The following FBXL17 variants were observed in gnomAD, a reference collection of about 807,000 sequenced individuals.
FBXL17 encodes F-box/LRR-repeat protein 17.
FBXL17 carries 22 observed loss-of-function variants against 66.2 expected under a neutral mutation model. The observed-to-expected ratio is 0.33, with a 90% CI of 0.24 to 0.47. The LOEUF (loss-of-function observed/expected upper bound fraction) is 0.47. Ranked by LOEUF, FBXL17 falls within the 20% of genes least tolerant of loss-of-function variation. FBXL17 has a pLI of 1.00. For synonymous variants in FBXL17, 474 were observed against 400.5 expected, an observed-to-expected ratio of 1.18 and a Z score of -2.19; for missense variants, 878 against 948.2, an observed-to-expected ratio of 0.93 and a Z score of 0.97.
intron 4 of FBXL17, chr5:108,298,078 T>C (rs1018776527): frequency 5.1e-6 from 5 of 976,744 alleles, no homozygotes; most frequent in Non-Finnish European, 6.1e-6. Flanking sequence ...TTGCCACAAA[T>C]ACCCATGTAG....
chr5:108,184,287 G>T (rs980544761), intron 6 of FBXL17, among the ~76,000 whole-genome samples: 1 of 151,988 alleles, frequency 6.6e-6, no homozygotes, highest in Non-Finnish European at 1.5e-5. Context: ...AGTCGGATGT[G>T]GTGGTACACA....
rs749397664 is a variant in FBXL17, at chr5:108,348,524, A to C, written c.1381T>G (p.Ser461Ala). The change falls in exon 4 of 9, where the codon TCA becomes GCA. Residue 461 changes from serine to alanine, a missense_variant. By Grantham distance (99) the Ser-to-Ala change is moderately conservative (BLOSUM62 1). This residue lies in a region of FBXL17 where 236 missense variants were observed against 389.1 expected (regional missense o/e 0.61). Coordinates refer to ENST00000542267, the MANE Select transcript of FBXL17 (RefSeq NM_001163315.3). Reference protein sequence around the residue: ...LTDEGLKQLGSKCRELKDIHF... With the variant: ...LTDEGLKQLGAKCRELKDIHF... ...ATATCTTTGAGTTCTCTGCATTTTG[A>C]GCCCAGCTGTAAACAAACAGATTTA... 1 of 1,612,268 alleles carries C rather than the reference A, an allele frequency of 6.2e-7. No individual in the cohort carries two copies. Among genetic ancestry groups the C allele is most frequent in the Non-Finnish European group, 8.5e-7 (1 of 1,178,764 alleles).
chr5:108,282,845 G>C (rs1458850574), intron 4 of FBXL17, among the ~76,000 whole-genome samples: 1 of 150,996 alleles, frequency 6.6e-6, no homozygotes, highest in Non-Finnish European at 1.5e-5. Flanking sequence ...AACCAGTAGT[G>C]CTTCTATATA....
intron 4 of FBXL17, among the ~76,000 whole-genome samples, chr5:108,276,464 G>C (rs1757486567): frequency 6.6e-6 from 1 of 152,042 alleles, no homozygotes; most frequent in Non-Finnish European, 1.5e-5. Flanking sequence ...AGTCCTTTTA[G>C]CAATGACAAC....
At chr5:108,154,614 TATACACACAC>T (rs1312290731) in intron 6 of FBXL17, among the ~76,000 whole-genome samples, 3,295 of 98,248 alleles carry the variant, frequency 0.034, 236 homozygotes, top group African/African-American at 0.12. Context: ...AAAATATATA[TATACACACAC>T]ACACACACAC....
chr5:108,188,201 T>C (rs1255608749), intron 5 of FBXL17, among the ~76,000 whole-genome samples: 2 of 152,144 alleles, frequency 1.3e-5, no homozygotes, highest in Admixed American at 6.5e-5. Flanking sequence ...GGAGAAGCTA[T>C]ACAGAGAGAG....
At chr5:108,134,958 T>C (rs904990636) in intron 6 of FBXL17, among the ~76,000 whole-genome samples, 3 of 152,174 alleles carry the variant, frequency 2.0e-5, no homozygotes, top group Non-Finnish European at 4.4e-5. Context: ...TGACATCTTC[T>C]AAATATATTT....
intron 7 of FBXL17, among the ~76,000 whole-genome samples, chr5:107,922,527 A>AT (rs1750359273): frequency 6.6e-6 from 1 of 152,176 alleles, no homozygotes; most frequent in Admixed American, 6.5e-5. Flanking sequence ...TAAGAATGAG[A>AT]TATCTTCAGC....
At chr5:107,932,453 A>G (rs1355466535) in intron 7 of FBXL17, among the ~76,000 whole-genome samples, 1 of 152,204 alleles carries the variant, frequency 6.6e-6, no homozygotes, top group African/African-American at 2.4e-5. Flanking sequence ...ACTGTAAAGA[A>G]GAGGAAAGTG....
intron 1 of FBXL17, among the ~76,000 whole-genome samples, chr5:108,378,199 A>G (rs1204178950): frequency 6.6e-6 from 1 of 151,606 alleles, no homozygotes; most frequent in Non-Finnish European, 1.5e-5. Flanking sequence ...TGCAACATAT[A>G]GTTTAGTTTC....
intron 4 of FBXL17, among the ~76,000 whole-genome samples, chr5:108,291,196 A>G (rs926299476): frequency 6.6e-6 from 1 of 152,176 alleles, no homozygotes; most frequent in East Asian, 1.9e-4. Context: ...AATTATTGTC[A>G]CCCACCTTAT....
intron 4 of FBXL17, among the ~76,000 whole-genome samples, chr5:108,329,671 A>G (rs933439410): frequency 7.2e-5 from 11 of 152,194 alleles, no homozygotes; most frequent in Admixed American, 2.0e-4. Flanking sequence ...TGTAATGAGT[A>G]CACCACATTA....
At chr5:108,100,355 T>C (rs180755218) in intron 6 of FBXL17, among the ~76,000 whole-genome samples, 3 of 152,164 alleles carry the variant, frequency 2.0e-5, no homozygotes, top group Admixed American at 1.3e-4. Context: ...TATAAGAATG[T>C]GCATGTATGC....
At chr5:108,258,398 A>G (rs1159793867) in intron 4 of FBXL17, among the ~76,000 whole-genome samples, 1 of 152,208 alleles carries the variant, frequency 6.6e-6, no homozygotes, top group East Asian at 1.9e-4. Flanking sequence ...GCAGACGAAT[A>G]TGAAACATGA....
intron 6 of FBXL17, among the ~76,000 whole-genome samples, chr5:108,183,083 C>T (rs1283991727): frequency 6.9e-6 from 1 of 144,656 alleles, no homozygotes; most frequent in African/African-American, 2.6e-5. Flanking sequence ...TCTTGTCGCC[C>T]AGGCTGGAGT....
chr5:108,021,572 T>C (rs1374719440), intron 6 of FBXL17, among the ~76,000 whole-genome samples: 3 of 151,728 alleles, frequency 2.0e-5, no homozygotes, highest in Non-Finnish European at 3.0e-5. Flanking sequence ...TTGTAAGTAA[T>C]TTGTTGTAAA....
At chr5:108,256,023 A>C (rs1438906222) in intron 4 of FBXL17, among the ~76,000 whole-genome samples, 1 of 152,172 alleles carries the variant, frequency 6.6e-6, no homozygotes, top group Non-Finnish European at 1.5e-5. Flanking sequence ...AGATCAGTGG[A>C]AATATGAGCT....
At chr5:108,311,153 C>G (rs1052500195) in intron 4 of FBXL17, among the ~76,000 whole-genome samples, 1 of 151,932 alleles carries the variant, frequency 6.6e-6, no homozygotes, top group Non-Finnish European at 1.5e-5. Flanking sequence ...CCTTCTCTCA[C>G]CTACCTTTTT....
chr5:108,368,122 T>G (rs1748790733), intron 1 of FBXL17, among the ~76,000 whole-genome samples, 169 bp from the exon 2 acceptor site: 1 of 151,940 alleles, frequency 6.6e-6, no homozygotes, highest in African/African-American at 2.4e-5. Context: ...GAAACTATGA[T>G]ACAGGAGCTA....
Sources: allele counts gnomAD v4.1 joint callset (sites outside exome capture counted in the v4.1 genomes callset), GRCh38; gene constraint gnomAD v4.1.1; regional missense constraint gnomAD v4.1.1; transcripts MANE v1.5; gene names NCBI Gene and HGNC (gene_info 2026-07-23, HGNC 2026-07-21).